The following SH2D4B variants were observed in gnomAD, a reference collection of about 807,000 sequenced individuals.
SH2D4B encodes SH2 domain-containing protein 4B.
Under a neutral mutation model 61.5 loss-of-function variants are expected in SH2D4B, and 45 were observed. That is an observed-to-expected ratio of 0.73 (90% CI 0.58 to 0.94). The LOEUF (loss-of-function observed/expected upper bound fraction) is 0.94. Among genes scored for constraint, SH2D4B ranks in the 40% least tolerant of loss-of-function variants. The pLI, the probability that SH2D4B is intolerant of heterozygous loss-of-function variation, is 0.00. For missense variants in SH2D4B, 572 were observed against 574.2 expected, an observed-to-expected ratio of 1.00 and a Z score of 0.04; for synonymous variants, 224 against 220.4, an observed-to-expected ratio of 1.02 and a Z score of -0.14.
chr10:80,543,179 C>A (rs1411109172), intron 1 of SH2D4B, among the ~76,000 whole-genome samples: 2 of 152,188 alleles, frequency 1.3e-5, no homozygotes, highest in Admixed American at 6.5e-5. Flanking sequence ...ACTTGAGGAG[C>A]CCTTCAGCCC....
At chr10:80,620,239 C>A (rs1178418702) in intron 6 of SH2D4B, among the ~76,000 whole-genome samples, 1 of 152,180 alleles carries the variant, frequency 6.6e-6, no homozygotes, top group Non-Finnish European at 1.5e-5. Context: ...CCCCCCCTTG[C>A]TGTTCTCATG....
At chr10:80,540,057 T>A (rs983093009) in intron 1 of SH2D4B, among the ~76,000 whole-genome samples, 1 of 152,182 alleles carries the variant, frequency 6.6e-6, no homozygotes, top group Non-Finnish European at 1.5e-5. Flanking sequence ...AAAATTTAAC[T>A]GCAAAAATAT....
At position 80,616,748 on chromosome 10, in the gene SH2D4B, T is replaced by C. The variant is rs190629807; in HGVS notation, c.988+7197T>C. The stretch of plus-strand genomic sequence containing the variant: ...CACCTGTGGGATTGTATTGGCTTTT[T>C]GTGTTTTAACTAATAATTTGGGAAC... On this transcript the variant is annotated intron_variant, in intron 6 of 7. Transcript: ENST00000646907. Among the ~76,000 whole-genome samples, 14 of 152,336 alleles carry C rather than the reference T, an allele frequency of 9.2e-5. No homozygotes were observed. In the East Asian group the frequency reaches 2.5e-3, roughly 27 times the overall value.
At chr10:80,552,084 C>T (rs567138307) in intron 1 of SH2D4B, among the ~76,000 whole-genome samples, 52 of 152,264 alleles carry the variant, frequency 3.4e-4, no homozygotes, top group African/African-American at 1.2e-3. Context: ...TACCTCTTGC[C>T]CTAATTACCT....
At chr10:80,590,887 C>T (rs1355727584) in intron 4 of SH2D4B, among the ~76,000 whole-genome samples, 2 of 151,750 alleles carry the variant, frequency 1.3e-5, no homozygotes, top group Non-Finnish European at 2.9e-5. Context: ...CCACCATATC[C>T]CTGGAAGTTA....
At chr10:80,643,650 T>C (rs1400659250) in intron 7 of SH2D4B, among the ~76,000 whole-genome samples, 1 of 152,068 alleles carries the variant, frequency 6.6e-6, no homozygotes, top group Non-Finnish European at 1.5e-5. Context: ...CCGACCTGCT[T>C]GAGGCAAACA....
At chr10:80,596,912 G>A (rs891589972) in intron 4 of SH2D4B, among the ~76,000 whole-genome samples, 12 of 152,130 alleles carry the variant, frequency 7.9e-5, no homozygotes, top group Admixed American at 3.9e-4. Flanking sequence ...CTTGGCCTTC[G>A]GTATTCTTGG....
intron 1 of SH2D4B, among the ~76,000 whole-genome samples, chr10:80,556,132 A>G (rs1172792912): frequency 6.7e-6 from 1 of 150,078 alleles, no homozygotes; most frequent in Non-Finnish European, 1.5e-5. Flanking sequence ...TTAAGAGTCA[A>G]GTTCTTTTTT....
chr10:80,595,231 C>A (rs1842372151), intron 4 of SH2D4B, among the ~76,000 whole-genome samples: 1 of 152,082 alleles, frequency 6.6e-6, no homozygotes, highest in Admixed American at 6.6e-5. Context: ...TATGCAGATG[C>A]CTCAGAGTAG....
chr10:80,588,829 ACCTCCT>A (rs771619036), intron 4 of SH2D4B, 52 bp downstream of exon 4: 1 of 1,601,358 alleles, frequency 6.2e-7, no homozygotes, highest in South Asian at 1.1e-5. Context: ...CTCCCCACCC[ACCTCCT>A]CCCAATGCTG....
At chr10:80,643,501 G>C (rs1840342121) in intron 7 of SH2D4B, among the ~76,000 whole-genome samples, 1 of 152,112 alleles carries the variant, frequency 6.6e-6, no homozygotes, top group Admixed American at 6.5e-5. Context: ...AGTGGATACA[G>C]TCTTGTTTCC....
intron 6 of SH2D4B, among the ~76,000 whole-genome samples, chr10:80,611,563 C>T (rs535138215): frequency 2.0e-5 from 3 of 152,254 alleles, no homozygotes; most frequent in African/African-American, 4.8e-5. Context: ...CCTGTAGCCC[C>T]GGTAGAACTT....
chr10:80,590,443 A>G (rs930741518), intron 4 of SH2D4B, among the ~76,000 whole-genome samples: 1 of 152,206 alleles, frequency 6.6e-6, no homozygotes, highest in Non-Finnish European at 1.5e-5. Flanking sequence ...CAGAATCAGA[A>G]AGGCCTCAGA....
In SH2D4B at chr10:80,557,220, A is replaced by T. The variant is rs76092543; in HGVS notation, c.185-12934A>T. ...TTTTTGAATGTTGAACCAACCTTAA[A>T]TTCCTGATAAAATCATATATGGTCA... On this transcript the variant is annotated intron_variant, in intron 1 of 7. Coordinates refer to ENST00000646907, the MANE Select transcript of SH2D4B (RefSeq NM_001388272.1). 0.03 allele frequency among the ~76,000 whole-genome samples: 4,501 copies of T among 152,220 alleles called. 329 individuals carry two copies. The East Asian group carries it at 0.3, about 10-fold the overall frequency.
intron 3 of SH2D4B, among the ~76,000 whole-genome samples, chr10:80,579,382 A>G (rs1842163780): frequency 6.6e-6 from 1 of 152,206 alleles, no homozygotes; most frequent in Non-Finnish European, 1.5e-5. Context: ...ATTTACATGC[A>G]TATAAAAGTG....
intron 3 of SH2D4B, among the ~76,000 whole-genome samples, chr10:80,572,963 TATATATATATATATATATA>T (rs1842070873): frequency 4.2e-4 from 4 of 9,482 alleles, no homozygotes; most frequent in Non-Finnish European, 8.3e-4. Context: ...TATATATATA[TATATATATATATATATATA>T]TATATTTTTT....
rs188716108 is a variant in SH2D4B, at chr10:80,631,791, C to T, written c.989-2494C>T. Among the ~76,000 whole-genome samples the T allele has an allele frequency of 1.7e-3, 255 of 152,148 alleles. 1 individual carries two copies. Among genetic ancestry groups the T allele is most frequent in the African/African-American group, 5.8e-3 (241 of 41,500 alleles). The stretch of plus-strand genomic sequence containing the variant: ...AAGCAGAAAGTGGAATGGTGGTTAC[C>T]GGGGCTGGGAGAGGCAGGCACTGGG... On this transcript the variant is annotated intron_variant, in intron 6 of 7. Transcript: ENST00000646907.
chr10:80,628,754 G>A (rs377658422), intron 6 of SH2D4B, among the ~76,000 whole-genome samples: 12 of 152,134 alleles, frequency 7.9e-5, no homozygotes, highest in Admixed American at 1.3e-4. Flanking sequence ...CTGGCCAGGC[G>A]TGGTGGCTCA....
chr10:80,571,397 A>G lies in SH2D4B; in HGVS notation c.348-34A>G. On this transcript the variant is annotated intron_variant, in intron 2 of 7. Transcript: ENST00000646907. ...TTGTTAGGTGGTCCTTCAGTTTTTCACACAAGCTTATACCTGTGGTGCTCT... is the reference window on the plus strand; with the variant it reads ...TTGTTAGGTGGTCCTTCAGTTTTTCGCACAAGCTTATACCTGTGGTGCTCT... 5 of 1,582,100 alleles carry G rather than the reference A, an allele frequency of 3.2e-6. No individual in the cohort carries two copies. The South Asian group carries it at 5.8e-5, about 18-fold the overall frequency.
Sources: allele counts gnomAD v4.1 joint callset (sites outside exome capture counted in the v4.1 genomes callset), GRCh38; gene constraint gnomAD v4.1.1; transcripts MANE v1.5; gene names NCBI Gene and HGNC (gene_info 2026-07-23, HGNC 2026-07-21).